The following NELL1 variants were observed in gnomAD, a reference collection of about 807,000 sequenced individuals.
The protein encoded by NELL1 is neural EGFL like 1.
Under a neutral mutation model 107.4 loss-of-function variants are expected in NELL1, and 76 were observed. That is an observed-to-expected ratio of 0.71 (90% CI 0.59 to 0.86). The LOEUF is 0.86. Among genes scored for constraint, NELL1 ranks in the 40% least tolerant of loss-of-function variants. The pLI, the probability that NELL1 is intolerant of heterozygous loss-of-function variation, is 0.00. For missense variants in NELL1, 1,024 were observed against 1,005.5 expected (o/e 1.02, Z -0.25); for synonymous variants, 353 against 341.2 (o/e 1.03, Z -0.38).
chr11:21,548,036 T>A (rs1337044499), intron 16 of NELL1, among the ~76,000 whole-genome samples: 6 of 151,706 alleles, frequency 4.0e-5, no homozygotes, highest in Non-Finnish European at 5.9e-5. Context: ...TAAAAAAAAA[T>A]CCTCAAGATA....
At chr11:21,186,513 T>C (rs1489299151) in intron 13 of NELL1, among the ~76,000 whole-genome samples, 4 of 151,876 alleles carry the variant, frequency 2.6e-5, no homozygotes, top group Non-Finnish European at 4.4e-5. Context: ...TTCCATCTCT[T>C]AGGATATTTT....
At chr11:20,976,799 T>C (rs891721121) in intron 12 of NELL1, among the ~76,000 whole-genome samples, 1 of 152,198 alleles carries the variant, frequency 6.6e-6, no homozygotes, top group Non-Finnish European at 1.5e-5. Context: ...TTTACAAATC[T>C]GGGAATTCCT....
intron 3 of NELL1, among the ~76,000 whole-genome samples, chr11:20,785,980 A>T (rs1006988007): frequency 6.6e-6 from 1 of 151,570 alleles, no homozygotes; most frequent in African/African-American, 2.4e-5. Flanking sequence ...GAGCCCAAGG[A>T]TGATTGATAG....
At chr11:20,820,490 C>T (rs990717963) in intron 3 of NELL1, among the ~76,000 whole-genome samples, 1 of 152,136 alleles carries the variant, frequency 6.6e-6, no homozygotes. Context: ...CATGTCACTC[C>T]TTTGGTTAGC....
At position 21,482,751 on chromosome 11, in the gene NELL1, A is replaced by T. The variant is rs537197120; in HGVS notation, c.1646-51623A>T. Among the ~76,000 whole-genome samples, 98 of 136,608 alleles carry T rather than the reference A, an allele frequency of 7.2e-4. 1 individual carries two copies. Among genetic ancestry groups the T allele is most frequent in the Middle Eastern group, 3.6e-3 (1 of 276 alleles). 89.6% of individuals were successfully genotyped at this position (136,608 alleles called of 152,430 possible). A position where few individuals can be genotyped will look rare whatever the true frequency, so the allele number is the denominator to read the frequency against. ...TATATGAGAATTTCCTGGAGAGCTT[A>T]AAAAAAAAAAAAAGAAAAAAAGAAA... On this transcript the variant is annotated intron_variant, in intron 15 of 19. Transcript: ENST00000357134.
intron 13 of NELL1, among the ~76,000 whole-genome samples, chr11:21,192,621 G>A (rs1423313283): frequency 1.3e-5 from 2 of 151,884 alleles, no homozygotes; most frequent in Non-Finnish European, 2.9e-5. Flanking sequence ...TTATTTTTCA[G>A]TTGACTCTTG....
At chr11:20,685,710 G>A (rs1854290840) in intron 2 of NELL1, among the ~76,000 whole-genome samples, 2 of 152,192 alleles carry the variant, frequency 1.3e-5, no homozygotes, top group African/African-American at 4.8e-5. Context: ...TAAAGTAATA[G>A]GGTATAGCTT....
At chr11:21,298,848 T>C (rs1486208964) in intron 14 of NELL1, among the ~76,000 whole-genome samples, 3 of 152,022 alleles carry the variant, frequency 2.0e-5, no homozygotes, top group Non-Finnish European at 4.4e-5. Flanking sequence ...TTCTACCTGA[T>C]ACTTTCCTCA....
At chr11:20,736,219 G>A (rs186091692) in intron 2 of NELL1, among the ~76,000 whole-genome samples, 2 of 152,264 alleles carry the variant, frequency 1.3e-5, no homozygotes, top group South Asian at 2.1e-4. Context: ...ATGAGGCCAT[G>A]TGATTGGCTA....
intron 13 of NELL1, 109 bp downstream of exon 13, chr11:21,113,823 GTTC>G: frequency 1.7e-6 from 2 of 1,158,710 alleles, no homozygotes; most frequent in East Asian, 5.3e-5. Flanking sequence ...TATCTAAATA[GTTC>G]TTCTCTTTAT....
At chr11:21,230,339 G>T (rs1405007265) in intron 14 of NELL1, among the ~76,000 whole-genome samples, 1 of 151,844 alleles carries the variant, frequency 6.6e-6, no homozygotes, top group African/African-American at 2.4e-5. Flanking sequence ...GATATTATCT[G>T]CCTCCCCACT....
intron 3 of NELL1, among the ~76,000 whole-genome samples, chr11:20,794,036 G>A (rs1043560963): frequency 2.6e-5 from 4 of 152,218 alleles, no homozygotes; most frequent in Non-Finnish European, 5.9e-5. Context: ...ATCCATGACA[G>A]TCTGAGAGAA....
rs146858548 is a variant in NELL1 at position 20,951,082 on chromosome 11, A to G, written c.1171+3647A>G. Among the ~76,000 whole-genome samples the G allele has an allele frequency of 3.3e-5, 5 of 152,322 alleles. No homozygotes were observed. In the East Asian group the frequency reaches 9.6e-4, roughly 29 times the overall value. On this transcript the variant is annotated intron_variant, in intron 11 of 19. Coordinates refer to ENST00000357134, the MANE Select transcript of NELL1 (RefSeq NM_006157.5). ...GTTTATTTTCTTTAGGACTCTGATGAGTCACCTTACCTGGGGAGGCCTAGA... is the reference window on the plus strand; with the variant it reads ...GTTTATTTTCTTTAGGACTCTGATGGGTCACCTTACCTGGGGAGGCCTAGA...
chr11:20,943,731 CTG>C (rs962790169), intron 10 of NELL1, among the ~76,000 whole-genome samples: 1 of 152,222 alleles, frequency 6.6e-6, no homozygotes, highest in African/African-American at 2.4e-5. Context: ...GGATCAGAAC[CTG>C]TGTGGTTTGG....
At chr11:20,695,945 T>A (rs896925497) in intron 2 of NELL1, among the ~76,000 whole-genome samples, 2 of 151,990 alleles carry the variant, frequency 1.3e-5, no homozygotes, top group African/African-American at 4.8e-5. Flanking sequence ...AAATTACTTA[T>A]TCAATCTCAG....
chr11:20,818,532 A>G (rs1305653923), intron 3 of NELL1, among the ~76,000 whole-genome samples: 1 of 151,858 alleles, frequency 6.6e-6, no homozygotes, highest in Non-Finnish European at 1.5e-5. Flanking sequence ...AAATTTGAAG[A>G]TTTTGAAATC....
chr11:21,400,711 CAAAT>C (rs1346806754), intron 15 of NELL1, among the ~76,000 whole-genome samples: 2 of 151,878 alleles, frequency 1.3e-5, no homozygotes, highest in Non-Finnish European at 2.9e-5. Context: ...GTCTGTGCCA[CAAAT>C]AAAAGAGAAT....
At chr11:21,499,527 C>T (rs1201173862) in intron 15 of NELL1, among the ~76,000 whole-genome samples, 2 of 152,004 alleles carry the variant, frequency 1.3e-5, no homozygotes, top group Admixed American at 6.6e-5. Context: ...TCTTCTTGGC[C>T]TTTTCACAGA....
chr11:20,735,244 T>A (rs922414711), intron 2 of NELL1, among the ~76,000 whole-genome samples: 1 of 152,122 alleles, frequency 6.6e-6, no homozygotes, highest in Non-Finnish European at 1.5e-5. Context: ...TTGGGAAAGA[T>A]GAGGATTTTA....
Sources: gnomAD v4.1 joint callset for allele counts (sites outside exome capture counted in the v4.1 genomes callset) on GRCh38, gnomAD v4.1.1 for gene constraint, MANE v1.5 for transcripts, NCBI Gene and HGNC (gene_info 2026-07-23, HGNC 2026-07-21) for gene names.